Variants in ANKS1B observed in about 807,000 individuals in gnomAD.
The protein encoded by ANKS1B is ankyrin repeat and sterile alpha motif domain-containing protein 1B.
ANKS1B carries 36 observed loss-of-function variants against 148.3 expected under a neutral mutation model. That is an observed-to-expected ratio of 0.24 (90% CI 0.19 to 0.32). ANKS1B has a LOEUF of 0.32. Ranked by LOEUF, ANKS1B falls within the 10% of genes least tolerant of loss-of-function variation. ANKS1B has a pLI of 1.00. For synonymous variants in ANKS1B, 542 were observed against 560.8 expected (o/e 0.97, Z 0.47); for missense variants, 1,157 against 1,542.6 (o/e 0.75, Z 4.19).
chr12:99,159,671 A>G (rs2076442546), intron 14 of ANKS1B, among the ~76,000 whole-genome samples: 1 of 152,202 alleles, frequency 6.6e-6, no homozygotes, highest in Non-Finnish European at 1.5e-5. Flanking sequence ...TGTTATTGTG[A>G]ATAGTGCTGC....
chr12:99,304,376 G>A (rs1292097334), intron 12 of ANKS1B, among the ~76,000 whole-genome samples: 1 of 152,074 alleles, frequency 6.6e-6, no homozygotes, highest in Non-Finnish European at 1.5e-5. Context: ...TCACATTTGA[G>A]CAGAAGGTTC....
At chr12:98,998,404 A>C (rs2099930959) in intron 17 of ANKS1B, among the ~76,000 whole-genome samples, 1 of 152,232 alleles carries the variant, frequency 6.6e-6, no homozygotes, top group Non-Finnish European at 1.5e-5. Context: ...CCTGGATCAA[A>C]TTTAAATAAG....
intron 12 of ANKS1B, among the ~76,000 whole-genome samples, chr12:99,289,512 T>G (rs2079609982): frequency 6.6e-6 from 1 of 152,096 alleles, no homozygotes. Flanking sequence ...ATAGATGATA[T>G]GTTAGGTCAC....
At chr12:99,467,306 A>G (rs918721819) in intron 10 of ANKS1B, among the ~76,000 whole-genome samples, 49 of 152,326 alleles carry the variant, frequency 3.2e-4, no homozygotes, top group African/African-American at 1.1e-3. Context: ...AATAAGAGCT[A>G]ACTATGACAA....
intron 11 of ANKS1B, among the ~76,000 whole-genome samples, chr12:99,439,084 ATAC>A (rs1253396766): frequency 6.6e-6 from 1 of 151,844 alleles, no homozygotes; most frequent in Non-Finnish European, 1.5e-5. Flanking sequence ...GCAATAAATA[ATAC>A]TAAATTATTA....
At chr12:98,990,048 G>C (rs533367550) in intron 17 of ANKS1B, among the ~76,000 whole-genome samples, 1 of 151,078 alleles carries the variant, frequency 6.6e-6, no homozygotes, top group Non-Finnish European at 1.5e-5. Context: ...GAAAGAAAAA[G>C]AAAGAAAGTC....
chr12:98,825,723 T>G (rs1262240126), intron 19 of ANKS1B, among the ~76,000 whole-genome samples: 1 of 152,206 alleles, frequency 6.6e-6, no homozygotes, highest in Non-Finnish European at 1.5e-5. Context: ...CACTCTCTTA[T>G]TGTTCATTTT....
intron 12 of ANKS1B, among the ~76,000 whole-genome samples, chr12:99,389,065 GA>G (rs2093972016): frequency 6.6e-6 from 1 of 152,188 alleles, no homozygotes; most frequent in Non-Finnish European, 1.5e-5. Context: ...AAGGCCTGGA[GA>G]CAGGGAGCAG....
chr12:99,107,440 T>C lies in ANKS1B; in HGVS notation c.2527-22417A>G, dbSNP rs368312715. On this transcript the variant is annotated intron_variant, in intron 15 of 26. Transcript: ENST00000683438. Reference sequence around the variant, plus strand: ...ATGAAGTGCAAATTAAAATGTTAGATAGACATACTCAACAGCCTGTAACAT... The same window carrying C: ...ATGAAGTGCAAATTAAAATGTTAGACAGACATACTCAACAGCCTGTAACAT... Among the ~76,000 whole-genome samples the C allele has an allele frequency of 3.0e-3, 454 of 152,312 alleles. 9 individuals carry two copies. The South Asian group carries it at 0.045, about 15-fold the overall frequency.
At chr12:99,586,999 T>C (rs1208130921) in intron 9 of ANKS1B, among the ~76,000 whole-genome samples, 1 of 152,048 alleles carries the variant, frequency 6.6e-6, no homozygotes, top group Non-Finnish European at 1.5e-5. Flanking sequence ...AAAACATATA[T>C]ATATATATTT....
chr12:98,883,427 G>A (rs2099720998), intron 17 of ANKS1B, among the ~76,000 whole-genome samples: 2 of 152,214 alleles, frequency 1.3e-5, no homozygotes, highest in Non-Finnish European at 2.9e-5. Flanking sequence ...TCACATGAGA[G>A]TAAGGAAACC....
chr12:99,826,627 T>C (rs534062410), intron 1 of ANKS1B, among the ~76,000 whole-genome samples: 159 of 152,262 alleles, frequency 1.0e-3, no homozygotes, highest in African/African-American at 3.7e-3. Context: ...CAATGCAGGA[T>C]GGAGAGAAAA....
intron 16 of ANKS1B, among the ~76,000 whole-genome samples, chr12:99,075,155 G>A (rs571271191): frequency 6.6e-6 from 1 of 152,328 alleles, no homozygotes; most frequent in Non-Finnish European, 1.5e-5. Flanking sequence ...CCTAGGAAGA[G>A]AGATAATACT....
At chr12:99,436,454 C>A (rs905097290) in intron 11 of ANKS1B, among the ~76,000 whole-genome samples, 1 of 152,004 alleles carries the variant, frequency 6.6e-6, no homozygotes, top group Non-Finnish European at 1.5e-5. Flanking sequence ...CCTTGAAGTT[C>A]TTTTTATTCC....
chr12:98,832,252 T>C (rs2099324099), intron 17 of ANKS1B, 116 bp from the exon 18 acceptor site: 1 of 779,020 alleles, frequency 1.3e-6, no homozygotes, highest in African/African-American at 1.7e-5. Flanking sequence ...CACCATGAGA[T>C]GTGGTGTCAC....
chr12:98,992,792 T>G (rs1242527164), intron 17 of ANKS1B, among the ~76,000 whole-genome samples: 3 of 152,210 alleles, frequency 2.0e-5, no homozygotes, highest in African/African-American at 7.2e-5. Flanking sequence ...TCATGACACT[T>G]TCCTTACCTG....
chr12:99,784,782 G>C (rs940597262), intron 4 of ANKS1B, among the ~76,000 whole-genome samples: 1 of 152,116 alleles, frequency 6.6e-6, no homozygotes, highest in East Asian at 1.9e-4. Context: ...AAACATGTAC[G>C]ATATCTCGAA....
intron 1 of ANKS1B, among the ~76,000 whole-genome samples, chr12:99,939,002 A>G (rs2094850253): frequency 6.6e-6 from 1 of 152,218 alleles, no homozygotes; most frequent in Admixed American, 6.5e-5. Flanking sequence ...CAGATATAAT[A>G]ACCACCTTTT....
chr12:99,480,172 G>A (rs2096388271), intron 10 of ANKS1B, among the ~76,000 whole-genome samples: 1 of 151,732 alleles, frequency 6.6e-6, no homozygotes, highest in African/African-American at 2.4e-5. Context: ...ATATTAATGT[G>A]TAAAATAATT....
Sources: gnomAD v4.1 joint callset for allele counts (sites outside exome capture counted in the v4.1 genomes callset) on GRCh38, gnomAD v4.1.1 for gene constraint, MANE v1.5 for transcripts, NCBI Gene and HGNC (gene_info 2026-07-23, HGNC 2026-07-21) for gene names.